Variants in DDX3X observed in about 807,000 individuals in gnomAD.
The protein encoded by DDX3X is ATP-dependent RNA helicase DDX3X.
A neutral mutation model predicts 52.7 loss-of-function variants in DDX3X; 4 were observed. The ratio of observed to expected loss-of-function variants is 0.08; its 90% CI spans 0.04 to 0.17. DDX3X has a LOEUF of 0.17. Ranked by LOEUF, DDX3X falls within the 10% of genes least tolerant of loss-of-function variation. DDX3X has a pLI of 1.00. For missense variants in DDX3X, 222 were observed against 548.6 expected (o/e 0.40, Z 5.95); for synonymous variants, 192 against 178.1 (o/e 1.08, Z -0.62).
intron 3 of DDX3X, chrX:41,341,067 C>T (rs766682393): frequency 5.3e-6 from 1 of 187,606 alleles, no homozygotes; most frequent in African/African-American, 3.0e-5. Context: ...CTCACTGCAA[C>T]CTCAGCCTCC....
chrX:41,346,798 ATAG>A (rs748112316), intron 14 of DDX3X, 58 bp from the exon 15 acceptor site: 7 of 1,069,157 alleles, frequency 6.5e-6, no homozygotes, highest in Non-Finnish European at 8.9e-6. Context: ...GAAAGTAAGA[ATAG>A]TAGCAAGTTA....
rs1271830834 is a variant in DDX3X at position 41,363,168 on chromosome X, G to A, written c.655-1106G>A. Among the ~76,000 whole-genome samples the A allele has an allele frequency of 3.6e-5, 4 of 112,197 alleles. No individual in the cohort carries two copies. In the South Asian group the frequency reaches 1.1e-3, roughly 31 times the overall value. On this transcript the variant is annotated intron_variant, in intron 5 of 5. Coordinates refer to the DDX3X transcript ENST00000616050. ...TGACTGAGTGCAATGGCTCACACCT[G>A]TAATCCCAGCACTTTGGGAGGCCGA... is the stretch of plus-strand genomic sequence containing the variant.
intron 2 of DDX3X, chrX:41,338,621 T>TA (rs1367083899): frequency 5.3e-5 from 6 of 112,193 alleles, no homozygotes; most frequent in Non-Finnish European, 9.4e-5. Context: ...TTTTGCAACT[T>TA]ACTGGCATAG....
chrX:41,337,317 G>A, intron 1 of DDX3X, 91 bp from the exon 2 acceptor site: 1 of 754,382 alleles, frequency 1.3e-6, no homozygotes, highest in Non-Finnish European at 2.1e-6. Context: ...CTACTTGAAT[G>A]CAGTACTAGC....
intron 1 of DDX3X, chrX:41,336,701 T>G (rs1179579998): frequency 3.6e-5 from 4 of 111,583 alleles, no homozygotes; most frequent in Non-Finnish European, 5.6e-5. Flanking sequence ...ATCACATGAC[T>G]GAATTCCAGC....
chrX:41,346,771 T>G, intron 14 of DDX3X, 88 bp from the exon 15 acceptor site: 1 of 984,296 alleles, frequency 1.0e-6, no homozygotes, highest in Non-Finnish European at 1.4e-6. Context: ...GGTAATATTT[T>G]AAATATTTCT....
At chrX:41,342,075 A>G (rs2063858684) in intron 4 of DDX3X, 1 of 152,761 alleles carries the variant, frequency 6.5e-6, no homozygotes, top group Admixed American at 7.6e-5. Context: ...CTTTTATCCA[A>G]AGTCTGTCAC....
chrX:41,348,598 T>TA lies in DDX3X; in HGVS notation c.*882dup, dbSNP rs776206800. ...GGAGAATTCATCTACTTAGACTTTT[T>TA]AAATGCCTGCCATAAATGAAATTGA... is the stretch of plus-strand genomic sequence containing the variant. On this transcript the variant is annotated 3_prime_UTR_variant, in exon 17 of 17. Transcript: ENST00000644876. 8.9e-5 allele frequency: 10 copies of TA among 112,505 alleles called. No individual in the cohort carries two copies. Among genetic ancestry groups the TA allele is most frequent in the Non-Finnish European group, 1.7e-4 (9 of 53,264 alleles). 9.3% of individuals were successfully genotyped at this position (112,505 alleles called of 1,213,427 possible).
Position 41,344,230 on chromosome X carries a change from T to G in DDX3X, c.865-9T>G, listed in dbSNP as rs1349370634. ...ACCTTGAAGTTCATAACATTTTTTTTGCTTATAGTTTTCATACCGATCTAG... is the reference window on the plus strand; with the variant it reads ...ACCTTGAAGTTCATAACATTTTTTTGGCTTATAGTTTTCATACCGATCTAG... On this transcript the variant is annotated splice_polypyrimidine_tract_variant and intron_variant, in intron 9 of 16. Coordinates refer to ENST00000644876, the MANE Select transcript of DDX3X (RefSeq NM_001356.5). 3.3e-6 allele frequency: 4 copies of G among 1,204,099 alleles called. No individual in the cohort carries two copies. The highest frequency in any genetic ancestry group is 4.5e-6 in the Non-Finnish European group (4 of 892,478).
Position 41,348,895 on chromosome X carries a change from G to C in DDX3X, c.*1176G>C, listed in dbSNP as rs2063958403. 1 of 112,622 alleles carries C rather than the reference G, an allele frequency of 8.9e-6. No homozygotes were observed. Among genetic ancestry groups the C allele is most frequent in the South Asian group, 3.6e-4 (1 of 2,748 alleles). The allele number at this position is 112,622 out of a possible 1,213,427, so 9.3% of individuals were successfully genotyped here. On this transcript the variant is annotated 3_prime_UTR_variant, in exon 17 of 17. Transcript: ENST00000644876. ...TTGAGATCACACAGGTTGGAAATAT[G>C]TACATAACTGCACAAGGTGTCAATT... is the stretch of plus-strand genomic sequence containing the variant.
Position 41,346,098 on chromosome X carries a change from A to G in DDX3X, c.1316-131A>G, listed in dbSNP as rs2063919800. On this transcript the variant is annotated intron_variant, in intron 12 of 16. Transcript: ENST00000644876. ...TTACTTTTCCTCCTCAATTCAAAAC[A>G]TGCTGTGTTGAAAGCCCGTTTTTAA... 5.7e-6 allele frequency: 3 copies of G among 525,329 alleles called. No homozygotes were observed. The East Asian group carries it at 1.1e-4, about 19-fold the overall frequency. The allele number at this position is 525,329 out of a possible 1,213,427, so 43.3% of individuals were successfully genotyped here.
In DDX3X at chrX:41,347,447, T is replaced by C. The variant is rs1162156897; in HGVS notation, c.1905T>C (p.Gly635=). The change falls in exon 16 of 17, where the codon GGT becomes GGC. Residue 635 remains glycine (G), a synonymous_variant. Coordinates refer to ENST00000644876, the MANE Select transcript of DDX3X (RefSeq NM_001356.5). ...GGGHGSSRGF[G]GGGYGGFYNS... ...GCCACGGTAGCAGCAGAGGATTTGG[T>C]GGAGGTAGTGTTAATCTGTAACTTC... 3.3e-6 allele frequency: 4 copies of C among 1,206,528 alleles called. No individual in the cohort carries two copies. The highest frequency in any genetic ancestry group is 4.5e-6 in the Non-Finnish European group (4 of 893,418).
At chrX:41,353,007 A>G (rs902526017), downstream of DDX3X, among the ~76,000 whole-genome samples, 1 of 111,901 alleles carries the variant, frequency 8.9e-6, no homozygotes, top group African/African-American at 3.2e-5. Flanking sequence ...GCGTGGTTCT[A>G]ATCTACCATT....
upstream of DDX3X, chrX:41,334,153 G>A: frequency 2.2e-6 from 2 of 906,120 alleles, no homozygotes; most frequent in Non-Finnish European, 3.1e-6. Context: ...TGGCCGCGCG[G>A]TGCGCTCCAG....
rs1328964594 is a variant in DDX3X, at chrX:41,334,228, T to TC, written c.-23dup. 8.3e-7 allele frequency: 1 copy of TC among 1,203,040 alleles called. No individual in the cohort carries two copies. Among genetic ancestry groups the TC allele is most frequent in the Non-Finnish European group, 1.1e-6 (1 of 889,418 alleles). On this transcript the variant is annotated 5_prime_UTR_variant, in exon 1 of 17. Coordinates refer to ENST00000644876, the MANE Select transcript of DDX3X (RefSeq NM_001356.5). Reference sequence around the variant, plus strand: ...AAACACTCGCTTAGCAGCGGAAGACTCCGAGTTCTCGGTACTCTTCAGGGA... The same window carrying TC: ...AAACACTCGCTTAGCAGCGGAAGACTCCCGAGTTCTCGGTACTCTTCAGGGA...
chrX:41,345,945 G>A (rs952129301), intron 12 of DDX3X: 3 of 323,817 alleles, frequency 9.3e-6, no homozygotes, highest in Non-Finnish European at 1.6e-5. Context: ...TACAGTGCAT[G>A]TAGTCCCAGC....
At chrX:41,343,963 A>G in intron 8 of DDX3X, 67 bp from the exon 9 acceptor site, 2 of 1,021,530 alleles carry the variant, frequency 2.0e-6, no homozygotes, top group African/African-American at 1.9e-5. Context: ...ACAAAAGGGA[A>G]TTATGTTGTG....
rs760583439 is a variant in DDX3X at position 41,356,454 on chromosome X, CTTTTTTT to C, written c.655-7803_655-7797del. On this transcript the variant is annotated intron_variant, in intron 5 of 5. Coordinates refer to the DDX3X transcript ENST00000616050. ...GAGCCACCTCGCCTGGCCAGTATTT[CTTTTTTT>C]TTTTTTTTTTTTTTTTGAGACGGAG... Among the ~76,000 whole-genome samples the C allele has an allele frequency of 2.3e-4, 15 of 65,653 alleles. No individual in the cohort carries two copies. In the Admixed American group the frequency reaches 2.7e-3, roughly 12 times the overall value. The allele number at this position is 65,653 out of a possible 115,157, so 57.0% of individuals were successfully genotyped here.
At chrX:41,341,454 TAAA>T (rs1228874785) in intron 3 of DDX3X, 27 bp from the exon 4 acceptor site, 5 of 1,143,962 alleles carry the variant, frequency 4.4e-6, no homozygotes, top group Non-Finnish European at 5.9e-6. Flanking sequence ...TAATTAATAA[TAAA>T]ATGTATTTGT....
Sources: gnomAD v4.1 joint callset for allele counts (sites outside exome capture counted in the v4.1 genomes callset) on GRCh38, gnomAD v4.1.1 for gene constraint, MANE v1.5 for transcripts, NCBI Gene and HGNC (gene_info 2026-07-23, HGNC 2026-07-21) for gene names.